GPC6: variants seen among roughly 807,000 people sequenced by gnomAD.
The protein encoded by GPC6 is glypican-6.
In GPC6, 14 loss-of-function variants were observed where a neutral mutation model predicts 55.2. The observed-to-expected ratio is 0.25, with a 90% CI of 0.17 to 0.40. The LOEUF (loss-of-function observed/expected upper bound fraction) is 0.40. Ranked by LOEUF, GPC6 falls within the 10% of genes least tolerant of loss-of-function variation. The pLI, the probability that GPC6 is intolerant of heterozygous loss-of-function variation, is 1.00. For synonymous variants in GPC6, 278 were observed against 259.6 expected, an observed-to-expected ratio of 1.07 and a Z score of -0.68; for missense variants, 641 against 708.5, an observed-to-expected ratio of 0.90 and a Z score of 1.08.
intron 3 of GPC6, among the ~76,000 whole-genome samples, chr13:93,832,993 T>C (rs1477125019): frequency 6.6e-6 from 1 of 152,008 alleles, no homozygotes; most frequent in Non-Finnish European, 1.5e-5. Context: ...TCATCATCCC[T>C]AATCAGTTAA....
chr13:93,656,344 C>A (rs1056624140), intron 2 of GPC6, among the ~76,000 whole-genome samples: 19 of 151,820 alleles, frequency 1.3e-4, no homozygotes, highest in Non-Finnish European at 2.7e-4. Context: ...AAATGTTACC[C>A]CTAAAGTAGG....
intron 3 of GPC6, among the ~76,000 whole-genome samples, chr13:93,904,812 C>T (rs1204269486): frequency 3.9e-5 from 6 of 152,122 alleles, no homozygotes; most frequent in South Asian, 4.2e-4. Context: ...TTTTAGGGTA[C>T]GTGTGCACAA....
At chr13:94,064,029 G>A (rs1216428676) in intron 4 of GPC6, among the ~76,000 whole-genome samples, 1 of 152,122 alleles carries the variant, frequency 6.6e-6, no homozygotes, top group African/African-American at 2.4e-5. Flanking sequence ...CTTGGTCAGA[G>A]GGGAGTGAGC....
intron 2 of GPC6, among the ~76,000 whole-genome samples, chr13:93,786,121 A>T (rs1885807998): frequency 1.3e-5 from 2 of 152,320 alleles, no homozygotes; most frequent in East Asian, 1.9e-4. Flanking sequence ...AAACACTCAG[A>T]TGTTATTTTC....
At chr13:93,354,435 C>T (rs1880762468) in intron 1 of GPC6, among the ~76,000 whole-genome samples, 1 of 145,570 alleles carries the variant, frequency 6.9e-6, no homozygotes, top group African/African-American at 2.5e-5. Flanking sequence ...ACTGCAAGCT[C>T]TGCCTCCCGG....
intron 2 of GPC6, among the ~76,000 whole-genome samples, chr13:93,813,806 TA>T (rs1566548602): frequency 1.4e-5 from 2 of 144,234 alleles, no homozygotes; most frequent in Admixed American, 7.0e-5. Context: ...TATTTTTTTT[TA>T]AAAAATGAGC....
rs374002002 is a variant in GPC6 at position 93,228,289 on chromosome 13, T to C, written c.160+673T>C. Among the ~76,000 whole-genome samples, 472 of 152,136 alleles carry C rather than the reference T, an allele frequency of 3.1e-3. 4 individuals are homozygous for C. The highest frequency in any genetic ancestry group is 0.011 in the African/African-American group (438 of 41,524). ...TGTGGGGCGGGCTTTCCCGTTAGGG[T>C]TCCTCAGTGCTTCCCCAGTTGCTGT... On this transcript the variant is annotated intron_variant, in intron 1 of 8. Coordinates refer to ENST00000377047, the MANE Select transcript of GPC6 (RefSeq NM_005708.5).
intron 2 of GPC6, among the ~76,000 whole-genome samples, chr13:93,783,645 A>G (rs1419125601): frequency 4.6e-5 from 7 of 152,138 alleles, no homozygotes; most frequent in African/African-American, 1.7e-4. Context: ...ATAAATTTCC[A>G]TGGAGCCACC....
intron 3 of GPC6, among the ~76,000 whole-genome samples, chr13:93,998,455 G>A (rs1218666749): frequency 6.6e-6 from 1 of 152,126 alleles, no homozygotes; most frequent in East Asian, 1.9e-4. Context: ...TCTAGCAAAA[G>A]CTTTAAGGTA....
At chr13:94,204,708 A>C (rs1889850816) in intron 4 of GPC6, among the ~76,000 whole-genome samples, 1 of 152,202 alleles carries the variant, frequency 6.6e-6, no homozygotes, top group Non-Finnish European at 1.5e-5. Flanking sequence ...TGGTTGCACT[A>C]CATGAGCAGG....
chr13:93,273,174 A>G (rs1289572172), intron 1 of GPC6, among the ~76,000 whole-genome samples: 3 of 152,170 alleles, frequency 2.0e-5, no homozygotes, highest in Non-Finnish European at 4.4e-5. Flanking sequence ...ACATCTAGGA[A>G]TATGTTTTCC....
At chr13:94,035,442 A>G (rs1174846481) in intron 4 of GPC6, among the ~76,000 whole-genome samples, 1 of 152,064 alleles carries the variant, frequency 6.6e-6, no homozygotes, top group Non-Finnish European at 1.5e-5. Flanking sequence ...ATGTAGAACT[A>G]GAAAGTAAGG....
intron 4 of GPC6, among the ~76,000 whole-genome samples, chr13:94,032,550 T>C (rs1367929627): frequency 6.6e-6 from 1 of 152,230 alleles, no homozygotes; most frequent in East Asian, 1.9e-4. Flanking sequence ...GGTTCTTAAA[T>C]GCTCGTTTGT....
At chr13:94,146,307 T>G (rs551448557) in intron 4 of GPC6, among the ~76,000 whole-genome samples, 3 of 151,036 alleles carry the variant, frequency 2.0e-5, no homozygotes, top group African/African-American at 7.3e-5. Flanking sequence ...AAATAGAAAA[T>G]AAAAGAAAAA....
In GPC6 at chr13:94,146,410, G is replaced by T. The variant is rs191853909; in HGVS notation, c.877+118516G>T. On this transcript the variant is annotated intron_variant, in intron 4 of 8. Coordinates refer to ENST00000377047, the MANE Select transcript of GPC6 (RefSeq NM_005708.5). ...AGTATTTATCTCCAGACCTTGAGAAGATAATTTACCTTCAACAATTATTAT... is the reference window on the plus strand; with the variant it reads ...AGTATTTATCTCCAGACCTTGAGAATATAATTTACCTTCAACAATTATTAT... Among the ~76,000 whole-genome samples the T allele has an allele frequency of 4.4e-4, 67 of 152,210 alleles. 1 individual carries two copies. In the East Asian group the frequency reaches 0.013, roughly 29 times the overall value.
intron 1 of GPC6, among the ~76,000 whole-genome samples, chr13:93,269,770 CAAA>C (rs55928643): frequency 0.037 from 4,200 of 114,558 alleles, 93 homozygotes; most frequent in Non-Finnish European, 0.041. Flanking sequence ...CTAAAAATAC[CAAA>C]AAAAAAAAAA....
intron 1 of GPC6, among the ~76,000 whole-genome samples, chr13:93,484,181 A>G (rs1453107879): frequency 6.6e-6 from 1 of 152,044 alleles, no homozygotes; most frequent in Non-Finnish European, 1.5e-5. Context: ...TTATTCTCTC[A>G]CTACTTGATG....
intron 1 of GPC6, among the ~76,000 whole-genome samples, chr13:93,376,763 A>G (rs542728079): frequency 4.0e-4 from 58 of 143,230 alleles, no homozygotes; most frequent in Non-Finnish European, 7.0e-4. Flanking sequence ...CTGTATTTAC[A>G]TATTCTTGCT....
At chr13:93,995,660 A>G (rs1374102750) in intron 3 of GPC6, among the ~76,000 whole-genome samples, 1 of 152,242 alleles carries the variant, frequency 6.6e-6, no homozygotes, top group African/African-American at 2.4e-5. Flanking sequence ...CTTATCAAAT[A>G]ATCATACAAA....
Sources: allele counts gnomAD v4.1 joint callset (sites outside exome capture counted in the v4.1 genomes callset), GRCh38; gene constraint gnomAD v4.1.1; transcripts MANE v1.5; gene names NCBI Gene and HGNC (gene_info 2026-07-23, HGNC 2026-07-21).